Variants in PRKD2 observed in about 807,000 individuals in gnomAD.
The protein encoded by PRKD2 is serine/threonine-protein kinase D2.
In PRKD2, 22 loss-of-function variants were observed where a neutral mutation model predicts 86.0. That is an observed-to-expected ratio of 0.26 (90% CI 0.18 to 0.37). The LOEUF (loss-of-function observed/expected upper bound fraction) is 0.37. Among genes scored for constraint, PRKD2 ranks in the 10% least tolerant of loss-of-function variants. PRKD2 has a pLI of 1.00. For synonymous variants in PRKD2, 509 were observed against 510.9 expected (o/e 1.00, Z 0.05); for missense variants, 818 against 1,199.2 (o/e 0.68, Z 4.70).
intron 3 of PRKD2, among the ~76,000 whole-genome samples, chr19:46,707,984 G>A (rs980960225): frequency 6.6e-6 from 1 of 152,004 alleles, no homozygotes; most frequent in African/African-American, 2.4e-5. Context: ...TGTAATCCCA[G>A]CTACTCGGTA....
chr19:46,676,369 G>A (rs2053202569), intron 16 of PRKD2, among the ~76,000 whole-genome samples: 1 of 152,162 alleles, frequency 6.6e-6, no homozygotes, highest in Admixed American at 6.5e-5. Flanking sequence ...AGGTTGCAGT[G>A]AGCCAAGATC....
chr19:46,716,064 A>T lies in PRKD2; in HGVS notation c.240+67T>A. The T allele has an allele frequency of 6.3e-7, 1 of 1,581,532 alleles. No homozygotes were observed. The highest frequency in any genetic ancestry group is 8.6e-7 in the Non-Finnish European group (1 of 1,165,032). ...CCCTCTTCCGCACACCAGGCCCCAG[A>T]CCCCTCTGCCAGCGCCCCCTCCTTC... On this transcript the variant is annotated intron_variant, in intron 1 of 17. Transcript: ENST00000291281. The surrounding 1 kb of genome is among the most constrained non-coding windows in gnomAD (Gnocchi z 7.9).
intron 16 of PRKD2, among the ~76,000 whole-genome samples, chr19:46,676,511 T>C (rs1599805728): frequency 6.6e-6 from 1 of 152,288 alleles, no homozygotes; most frequent in East Asian, 1.9e-4. Flanking sequence ...GCCTGTTCAT[T>C]GTGAAAAAGA....
intron 14 of PRKD2, among the ~76,000 whole-genome samples, chr19:46,683,074 A>G (rs946953872): frequency 6.6e-6 from 1 of 151,480 alleles, no homozygotes; most frequent in Non-Finnish European, 1.5e-5. Context: ...TACAGCCTCA[A>G]ACTCCTGGGG....
At chr19:46,686,182 A>C (rs899493793) in intron 14 of PRKD2, 9 of 152,090 alleles carry the variant, frequency 5.9e-5, no homozygotes, top group African/African-American at 2.2e-4. Flanking sequence ...CAGAAACCAC[A>C]CAAGGGGATA....
chr19:46,701,099 G>T lies in PRKD2; in HGVS notation c.903C>A (p.Asn301Lys). The T allele has an allele frequency of 6.2e-7, 1 of 1,614,190 alleles. No individual in the cohort carries two copies. Residue 301 changes from asparagine (N) to lysine (K), a missense_variant, in exon 6 of 18, where the codon AAC becomes AAA. Asn to Lys is a moderately conservative substitution (Grantham distance 94, BLOSUM62 0). Transcript: ENST00000291281. The part of the protein sequence containing the change: ...QGLQCKDCKF[N>K]CHKRCATRVP... The stretch of plus-strand genomic sequence containing the variant: ...CGCGGGTGGCGCAGCGTTTGTGACA[G>T]TTAAACTTGCAGTCTGGTAGGACAG...
chr19:46,701,297 G>T (rs915992690), intron 5 of PRKD2, among the ~76,000 whole-genome samples, 185 bp from the exon 6 acceptor site: 1 of 151,780 alleles, frequency 6.6e-6, no homozygotes, highest in African/African-American at 2.4e-5. Flanking sequence ...CATCGGGGGG[G>T]TCTTGATTAA....
At chr19:46,688,481 G>T (rs1270509373) in intron 14 of PRKD2, among the ~76,000 whole-genome samples, 1 of 148,548 alleles carries the variant, frequency 6.7e-6, no homozygotes, top group Non-Finnish European at 1.5e-5. Flanking sequence ...TTGTCCCCCA[G>T]GCTGGAGTAC....
intron 8 of PRKD2, among the ~76,000 whole-genome samples, 182 bp downstream of exon 8, chr19:46,697,551 C>A (rs112706505): frequency 6.6e-6 from 1 of 151,642 alleles, no homozygotes; most frequent in Admixed American, 6.6e-5. Flanking sequence ...AACTCCTGCC[C>A]GTAGTCCCAC....
At position 46,674,653 on chromosome 19, in the gene PRKD2, C is replaced by T. The variant is rs750647595; in HGVS notation, c.2507G>A (p.Arg836His). ...RYITHESDDARWEQFAAEHPL... is the reference protein window; with the variant it reads ...RYITHESDDAHWEQFAAEHPL... ...ATGCTCTGCTGCAAACTGCTCCCAGCGCGCGTCGTCACTCTCATGCGTGAT... is the reference window on the plus strand; with the variant it reads ...ATGCTCTGCTGCAAACTGCTCCCAGTGCGCGTCGTCACTCTCATGCGTGAT... The change falls in exon 18 of 18, where the codon CGC becomes CAC. Residue 836 changes from arginine to histidine, a missense_variant. By Grantham distance (29) the Arg-to-His change is conservative. Around this residue, in one of 5 missense-constraint regions of PRKD2, gnomAD observed 132 missense variants for 146.2 expected, o/e 0.90. Coordinates refer to ENST00000291281, the MANE Select transcript of PRKD2 (RefSeq NM_016457.5). The T allele has an allele frequency of 5.6e-6, 9 of 1,606,940 alleles. No individual in the cohort carries two copies. Among genetic ancestry groups the T allele is most frequent in the African/African-American group, 2.7e-5 (2 of 74,874 alleles).
At chr19:46,711,080 G>A (rs1433368000) in intron 2 of PRKD2, 42 bp from the exon 3 acceptor site, 1 of 1,541,372 alleles carries the variant, frequency 6.5e-7, no homozygotes, top group South Asian at 1.2e-5. Flanking sequence ...GGCGGGGTAG[G>A]CCAAAGCTTT....
intron 2 of PRKD2, among the ~76,000 whole-genome samples, chr19:46,712,680 G>A (rs2053825796): frequency 6.6e-6 from 1 of 152,240 alleles, no homozygotes; most frequent in Non-Finnish European, 1.5e-5. Context: ...GTCACTAAAG[G>A]TGTAAATCCA....
At chr19:46,703,902 C>T (rs1228451676) in intron 5 of PRKD2, among the ~76,000 whole-genome samples, 1 of 151,494 alleles carries the variant, frequency 6.6e-6, no homozygotes, top group African/African-American at 2.4e-5. Context: ...CGTGATTGCG[C>T]CACTGCACTC....
At chr19:46,689,416 G>A in intron 14 of PRKD2, 121 bp downstream of exon 14, 1 of 1,215,134 alleles carries the variant, frequency 8.2e-7, no homozygotes, top group African/African-American at 1.5e-5. Flanking sequence ...CCTGATGATG[G>A]TTTCTGTTAT....
rs1416872570 is a variant in PRKD2 at position 46,690,696 on chromosome 19, C to T, written c.1713G>A (p.Arg571=). The T allele has an allele frequency of 1.2e-6, 2 of 1,613,948 alleles. No individual in the cohort carries two copies. Among genetic ancestry groups the T allele is most frequent in the Non-Finnish European group, 1.7e-6 (2 of 1,180,002 alleles). Residue 571 remains arginine, a synonymous_variant, in exon 13 of 18, where the codon CGG becomes CGA. Coordinates refer to ENST00000291281, the MANE Select transcript of PRKD2 (RefSeq NM_016457.5). ...TAACTGCCACGTCCCGGCCTGTCTTCCGGTGTTTTCCTGCACAGGGAGTAG... is the reference window on the plus strand; with the variant it reads ...TAACTGCCACGTCCCGGCCTGTCTTTCGGTGTTTTCCTGCACAGGGAGTAG... ...QFGVVYGGKH[R]KTGRDVAVKV...
chr19:46,675,544 T>C (rs189173461), intron 16 of PRKD2, among the ~76,000 whole-genome samples: 3 of 152,164 alleles, frequency 2.0e-5, no homozygotes, highest in Admixed American at 2.0e-4. Context: ...CCCGGGTTCA[T>C]GTGATTCTCC....
At chr19:46,694,157 G>A (rs749038265) in intron 9 of PRKD2, 24 bp from the exon 10 acceptor site, 2 of 1,608,238 alleles carry the variant, frequency 1.2e-6, no homozygotes, top group Non-Finnish European at 1.7e-6. Flanking sequence ...AACCAGCACA[G>A]GTGAGGATGC....
chr19:46,716,754 T>G lies in PRKD2; in HGVS notation c.-384A>C. On this transcript the variant is annotated 5_prime_UTR_variant, in exon 1 of 18. Coordinates refer to ENST00000291281, the MANE Select transcript of PRKD2 (RefSeq NM_016457.5). The surrounding 1 kb of genome is among the most constrained non-coding windows in gnomAD (Gnocchi z 7.9). ...GGGATTGAGAAGGGGGCAGAGGGAATCCCAGGATCCAGTGCTCCAAGAAGA... is the reference window on the plus strand; with the variant it reads ...GGGATTGAGAAGGGGGCAGAGGGAAGCCCAGGATCCAGTGCTCCAAGAAGA... 6.3e-6 allele frequency: 1 copy of G among 158,426 alleles called. No individual in the cohort carries two copies. The highest frequency in any genetic ancestry group is 1.4e-5 in the Non-Finnish European group (1 of 72,964). The allele number at this position is 158,426 out of a possible 1,614,324, so 9.8% of individuals were successfully genotyped here.
intron 14 of PRKD2, among the ~76,000 whole-genome samples, chr19:46,687,460 A>G (rs1405142239): frequency 6.6e-6 from 1 of 152,208 alleles, no homozygotes; most frequent in Non-Finnish European, 1.5e-5. Context: ...TGAGTTTGAC[A>G]TCACTAGTTA....
Sources: gnomAD v4.1 joint callset for allele counts (sites outside exome capture counted in the v4.1 genomes callset) on GRCh38, gnomAD v4.1.1 for gene constraint, gnomAD v4.1.1 regional missense constraint, Gnocchi (gnomAD v3.1) non-coding constraint, MANE v1.5 for transcripts, NCBI Gene and HGNC (gene_info 2026-07-23, HGNC 2026-07-21) for gene names.